TENM3: variants seen among roughly 807,000 people sequenced by gnomAD.
TENM3 encodes teneurin-3.
A neutral mutation model predicts 255.1 loss-of-function variants in TENM3; 63 were observed. The observed-to-expected ratio is 0.25, with a 90% confidence interval of 0.20 to 0.30. TENM3 has a LOEUF of 0.30. Among genes scored for constraint, TENM3 ranks in the 10% least tolerant of loss-of-function variants. The pLI, the probability that TENM3 is intolerant of heterozygous loss-of-function variation, is 1.00. For synonymous variants in TENM3, 1,306 were observed against 1,322.3 expected, an observed-to-expected ratio of 0.99 and a Z score of 0.27; for missense variants, 2,929 against 3,461.1, an observed-to-expected ratio of 0.85 and a Z score of 3.86.
At chr4:182,295,520 C>T (rs893524988) in intron 1 of TENM3, among the ~76,000 whole-genome samples, 21 of 151,940 alleles carry the variant, frequency 1.4e-4, no homozygotes, top group African/African-American at 1.9e-4. Context: ...CTGCCTGCCT[C>T]GGCCTCCCAA....
At chr4:182,537,259 T>A (rs1052988119) in intron 3 of TENM3, among the ~76,000 whole-genome samples, 1 of 152,020 alleles carries the variant, frequency 6.6e-6, no homozygotes, top group Non-Finnish European at 1.5e-5. Context: ...TGACTCAGTT[T>A]TCAAAAAGGC....
At chr4:181,474,895 C>T in the TENM3 span, among the ~76,000 whole-genome samples, 1 of 152,106 alleles carries the variant, frequency 6.6e-6, no homozygotes, top group Non-Finnish European at 1.5e-5. Flanking sequence ...TCTCCCCCCA[C>T]CTCATATTCC....
At chr4:181,849,986 CA>C in the TENM3 span, among the ~76,000 whole-genome samples, 1 of 148,104 alleles carries the variant, frequency 6.8e-6, no homozygotes, top group Non-Finnish European at 1.5e-5. Flanking sequence ...CACACACACA[CA>C]GAGTCTTCCT....
At chr4:182,403,658 G>T (rs865848270) in intron 3 of TENM3, among the ~76,000 whole-genome samples, 1 of 152,196 alleles carries the variant, frequency 6.6e-6, no homozygotes. Context: ...TCTTACCACC[G>T]TGGAACAATT....
chr4:181,632,399 G>T, the TENM3 span, among the ~76,000 whole-genome samples: 2 of 152,166 alleles, frequency 1.3e-5, no homozygotes, highest in African/African-American at 2.4e-5. Context: ...GGGACACAGA[G>T]CCAAACCATA....
the TENM3 span, among the ~76,000 whole-genome samples, chr4:181,467,123 ATATTTTTTT>A: frequency 3.6e-3 from 64 of 17,978 alleles, 2 homozygotes; most frequent in African/African-American, 0.012. Context: ...ATATATATAT[ATATTTTTTT>A]TTTTTTTTTT....
At chr4:181,590,460 C>T in the TENM3 span, among the ~76,000 whole-genome samples, 1 of 152,176 alleles carries the variant, frequency 6.6e-6, no homozygotes, top group Non-Finnish European at 1.5e-5. Context: ...GTGCCAAGAG[C>T]CAGGCCTACC....
the TENM3 span, among the ~76,000 whole-genome samples, chr4:181,916,032 G>A: frequency 6.6e-6 from 1 of 152,090 alleles, no homozygotes; most frequent in Non-Finnish European, 1.5e-5. Context: ...ATCCGTATCA[G>A]GCCCCTTCAA....
chr4:181,692,188 G>A, the TENM3 span, among the ~76,000 whole-genome samples: 2 of 152,174 alleles, frequency 1.3e-5, no homozygotes, highest in South Asian at 2.1e-4. Context: ...GTATTAAGAG[G>A]TAAGATATCA....
At chr4:182,183,460 A>G (rs1165687621) in intron 1 of TENM3, among the ~76,000 whole-genome samples, 2 of 152,148 alleles carry the variant, frequency 1.3e-5, no homozygotes, top group South Asian at 2.1e-4. Context: ...ATTCATTCGT[A>G]TGCAGTTGCG....
chr4:181,679,997 A>T, the TENM3 span, among the ~76,000 whole-genome samples: 118,144 of 152,050 alleles, frequency 0.78, 46,260 homozygotes, highest in Admixed American at 0.87. Context: ...GTCATGATCA[A>T]GTCTAATCAA....
the TENM3 span, among the ~76,000 whole-genome samples, chr4:181,554,989 CAAG>C: frequency 6.6e-6 from 1 of 152,156 alleles, no homozygotes; most frequent in African/African-American, 2.4e-5. Context: ...TTAAAATTGA[CAAG>C]AGATAGAATT....
Position 182,636,593 on chromosome 4 carries a change from T to G in TENM3, c.988+7704T>G, listed in dbSNP as rs368514981. Among the ~76,000 whole-genome samples, 15 of 152,102 alleles carry G rather than the reference T, an allele frequency of 9.9e-5. No individual in the cohort carries two copies. In the East Asian group the frequency reaches 1.6e-3, roughly 16 times the overall value. On this transcript the variant is annotated intron_variant, in intron 5 of 27. Coordinates refer to ENST00000511685, the MANE Select transcript of TENM3 (RefSeq NM_001080477.4). ...TTAGCCAGGCATGGTGGCACGCACC[T>G]GTAGTCCCAGCTACTCGGGAGGCTG...
upstream of TENM3, among the ~76,000 whole-genome samples, chr4:182,139,975 T>C (rs1749281820): frequency 6.6e-6 from 1 of 152,256 alleles, no homozygotes; most frequent in Non-Finnish European, 1.5e-5. Context: ...ATTAAGATAA[T>C]GAAAGCATGT....
intron 26 of TENM3, among the ~76,000 whole-genome samples, chr4:182,794,148 G>C (rs1390308128): frequency 1.3e-5 from 2 of 152,110 alleles, no homozygotes; most frequent in African/African-American, 4.8e-5. Context: ...TTTAAAGAAG[G>C]GGAACATGGG....
chr4:182,678,448 T>G lies in TENM3; in HGVS notation c.1327-1218T>G, dbSNP rs184336363. On this transcript the variant is annotated intron_variant, in intron 7 of 27. Transcript: ENST00000511685. Reference sequence around the variant, plus strand: ...AGATCAAAGATGTAAAGGCATCTTGTTACATGTTTCTAATCTAACAATAAC... The same window carrying G: ...AGATCAAAGATGTAAAGGCATCTTGGTACATGTTTCTAATCTAACAATAAC... Among the ~76,000 whole-genome samples the G allele has an allele frequency of 9.5e-4, 145 of 152,292 alleles. 1 individual carries two copies. The highest frequency in any genetic ancestry group is 3.2e-3 in the African/African-American group (135 of 41,562).
the TENM3 span, among the ~76,000 whole-genome samples, chr4:181,954,955 G>C: frequency 6.6e-6 from 1 of 152,150 alleles, no homozygotes; most frequent in South Asian, 2.1e-4. Context: ...TTCCAGCACT[G>C]TACCAAAAGA....
the TENM3 span, among the ~76,000 whole-genome samples, chr4:181,838,686 G>A: frequency 6.6e-6 from 1 of 151,974 alleles, no homozygotes; most frequent in South Asian, 2.1e-4. Flanking sequence ...CAAATTTATT[G>A]ACAAAAATGT....
At chr4:182,755,555 A>G (rs1408198795) in intron 22 of TENM3, among the ~76,000 whole-genome samples, 2 of 151,586 alleles carry the variant, frequency 1.3e-5, no homozygotes, top group African/African-American at 2.4e-5. Flanking sequence ...AGAAAAAAAA[A>G]TGGCCGGGCG....
Sources: gnomAD v4.1 joint callset for allele counts (sites outside exome capture counted in the v4.1 genomes callset) on GRCh38, gnomAD v4.1.1 for gene constraint, MANE v1.5 for transcripts, NCBI Gene and HGNC (gene_info 2026-07-23, HGNC 2026-07-21) for gene names.